Variants in CHSY3 observed in about 807,000 individuals in gnomAD.
CHSY3 encodes N-acetylgalactosaminyl-proteoglycan 3-beta-glucuronosyltransferase 3.
In CHSY3, 35 loss-of-function variants were observed where a neutral mutation model predicts 67.2. That is an observed-to-expected ratio of 0.52 (90% CI 0.40 to 0.69). The LOEUF (loss-of-function observed/expected upper bound fraction) is 0.69. CHSY3 is among the 30% of genes least tolerant of loss of function. CHSY3 has a pLI of 0.00. For synonymous variants in CHSY3, 474 were observed against 434.7 expected (o/e 1.09, Z -1.12); for missense variants, 1,069 against 1,138.5 (o/e 0.94, Z 0.88).
chr5:130,091,287 G>A (rs530090058), intron 2 of CHSY3, among the ~76,000 whole-genome samples: 4 of 152,194 alleles, frequency 2.6e-5, no homozygotes, highest in African/African-American at 9.6e-5. Context: ...CTGTATTTTT[G>A]TCAGAATGCA....
chr5:130,072,398 A>C (rs1246555185), intron 2 of CHSY3, among the ~76,000 whole-genome samples: 1 of 152,128 alleles, frequency 6.6e-6, no homozygotes, highest in African/African-American at 2.4e-5. Flanking sequence ...TTTTCCCAGC[A>C]TCATTTATTG....
intron 2 of CHSY3, among the ~76,000 whole-genome samples, chr5:129,992,960 T>G (rs1431575965): frequency 1.3e-5 from 2 of 152,200 alleles, no homozygotes; most frequent in East Asian, 1.9e-4. Context: ...ATATTTTGAG[T>G]GTTTGAGTGT....
At chr5:129,909,272 G>A (rs1261242416) in intron 2 of CHSY3, among the ~76,000 whole-genome samples, 1 of 152,004 alleles carries the variant, frequency 6.6e-6, no homozygotes, top group African/African-American at 2.4e-5. Flanking sequence ...TTGGAATTTA[G>A]TATTATTTTA....
At chr5:130,063,821 G>A (rs1436848044) in intron 2 of CHSY3, among the ~76,000 whole-genome samples, 1 of 152,088 alleles carries the variant, frequency 6.6e-6, no homozygotes, top group East Asian at 1.9e-4. Flanking sequence ...GCTGTGTGGA[G>A]CCTCTTTTAT....
intron 2 of CHSY3, among the ~76,000 whole-genome samples, chr5:130,063,513 C>T (rs1252547772): frequency 1.3e-5 from 2 of 152,020 alleles, no homozygotes; most frequent in African/African-American, 4.8e-5. Flanking sequence ...ATCTTCATTC[C>T]TCTTGAGAAC....
At chr5:130,142,902 G>C (rs1335323703) in intron 2 of CHSY3, among the ~76,000 whole-genome samples, 1 of 152,110 alleles carries the variant, frequency 6.6e-6, no homozygotes, top group African/African-American at 2.4e-5. Flanking sequence ...AGGAGATGGT[G>C]GAAAGGAGGA....
At chr5:130,002,731 A>G (rs556098766) in intron 2 of CHSY3, among the ~76,000 whole-genome samples, 2 of 152,324 alleles carry the variant, frequency 1.3e-5, no homozygotes, top group Admixed American at 6.5e-5. Flanking sequence ...ATTTTATCAT[A>G]TATGCATCTT....
In CHSY3 at chr5:130,140,613, A is replaced by G. The variant is rs7708985; in HGVS notation, c.1087-43616A>G. 3.0e-3 allele frequency: 1,265 copies of G among 426,810 alleles called. 4 individuals carry two copies. Among genetic ancestry groups the G allele is most frequent in the Non-Finnish European group, 4.6e-3 (1,113 of 241,572 alleles). 26.4% of individuals were successfully genotyped at this position (426,810 alleles called of 1,614,324 possible). On this transcript the variant is annotated intron_variant, in intron 2 of 2. Transcript: ENST00000305031. Reference sequence around the variant, plus strand: ...GCTGAAAGAAACATGCTGATCTTTGACCTGGGAGATGGCACTTTTGATGTG... The same window carrying G: ...GCTGAAAGAAACATGCTGATCTTTGGCCTGGGAGATGGCACTTTTGATGTG...
intron 2 of CHSY3, among the ~76,000 whole-genome samples, chr5:129,955,301 G>A (rs1280692018): frequency 5.3e-5 from 8 of 151,918 alleles, no homozygotes; most frequent in Admixed American, 3.9e-4. Context: ...GCCTTCTACC[G>A]TCTTGCCCAA....
chr5:130,135,209 TAC>T (rs1020618466), intron 2 of CHSY3, among the ~76,000 whole-genome samples: 1 of 151,922 alleles, frequency 6.6e-6, no homozygotes, highest in African/African-American at 2.4e-5. Flanking sequence ...CATATATGTA[TAC>T]ACACACAAAC....
At chr5:130,033,604 A>G (rs924088979) in intron 2 of CHSY3, among the ~76,000 whole-genome samples, 11 of 152,174 alleles carry the variant, frequency 7.2e-5, no homozygotes, top group African/African-American at 1.9e-4. Flanking sequence ...TACAAACTCT[A>G]TGTATTTTTA....
At chr5:129,968,508 C>T (rs1427679138) in intron 2 of CHSY3, among the ~76,000 whole-genome samples, 1 of 151,772 alleles carries the variant, frequency 6.6e-6, no homozygotes, top group African/African-American at 2.4e-5. Context: ...AAACTTGGTA[C>T]TCTAACATTT....
At chr5:130,111,588 G>A (rs1357165097) in intron 2 of CHSY3, among the ~76,000 whole-genome samples, 1 of 152,042 alleles carries the variant, frequency 6.6e-6, no homozygotes, top group East Asian at 1.9e-4. Flanking sequence ...ATAGGTTAAG[G>A]CAATAATTTC....
chr5:130,105,573 G>C (rs572428826), intron 2 of CHSY3, among the ~76,000 whole-genome samples: 19 of 151,810 alleles, frequency 1.3e-4, no homozygotes, highest in African/African-American at 4.3e-4. Flanking sequence ...TCTGGAAATA[G>C]TTTGGAGTTA....
intron 2 of CHSY3, among the ~76,000 whole-genome samples, chr5:130,036,246 C>T (rs562569495): frequency 6.6e-6 from 1 of 152,056 alleles, no homozygotes; most frequent in South Asian, 2.1e-4. Context: ...AGCAAAAGCT[C>T]TTGCATATAC....
At chr5:130,085,069 A>G (rs1766568974) in intron 2 of CHSY3, among the ~76,000 whole-genome samples, 1 of 151,898 alleles carries the variant, frequency 6.6e-6, no homozygotes, top group African/African-American at 2.4e-5. Flanking sequence ...TCCTACCTCC[A>G]CTTCTCATCA....
At chr5:129,994,899 G>T (rs1179298400) in intron 2 of CHSY3, among the ~76,000 whole-genome samples, 2 of 151,724 alleles carry the variant, frequency 1.3e-5, no homozygotes, top group Non-Finnish European at 2.9e-5. Flanking sequence ...GACTGTTGTG[G>T]GGTGGGGGGA....
intron 2 of CHSY3, among the ~76,000 whole-genome samples, chr5:130,132,524 AC>A (rs1580766548): frequency 6.6e-6 from 1 of 152,306 alleles, no homozygotes; most frequent in East Asian, 1.9e-4. Context: ...TATTCTTGGT[AC>A]CTTAAGCCAC....
intron 2 of CHSY3, among the ~76,000 whole-genome samples, chr5:130,081,811 C>T (rs1045479938): frequency 6.6e-6 from 1 of 152,050 alleles, no homozygotes; most frequent in Non-Finnish European, 1.5e-5. Context: ...TTCATCAAGC[C>T]TCTTTTTCTT....
Sources: gnomAD v4.1 joint callset for allele counts (sites outside exome capture counted in the v4.1 genomes callset) on GRCh38, gnomAD v4.1.1 for gene constraint, MANE v1.5 for transcripts, NCBI Gene and HGNC (gene_info 2026-07-23, HGNC 2026-07-21) for gene names.